Variants in XYLB observed in about 807,000 individuals in gnomAD.
XYLB encodes the protein xylulose kinase.
Under a neutral mutation model 78.7 loss-of-function variants are expected in XYLB, and 62 were observed. That is an observed-to-expected ratio of 0.79 (90% CI 0.64 to 0.97). XYLB has a LOEUF of 0.97. Among genes scored for constraint, XYLB ranks in the 50% least tolerant of loss-of-function variants. The pLI, the probability that XYLB is intolerant of heterozygous loss-of-function variation, is 0.00. For missense variants in XYLB, 687 were observed against 676.8 expected (o/e 1.02, Z -0.17); for synonymous variants, 245 against 247.4 (o/e 0.99, Z 0.09).
chr3:38,380,279 G>A (rs568569581), intron 15 of XYLB, among the ~76,000 whole-genome samples: 21 of 152,216 alleles, frequency 1.4e-4, no homozygotes, highest in South Asian at 2.1e-4. Context: ...ACCCAGGGCC[G>A]GGGGAGGCAA....
chr3:38,440,628 AT>A, the XYLB span, among the ~76,000 whole-genome samples: 1 of 152,222 alleles, frequency 6.6e-6, no homozygotes, highest in Non-Finnish European at 1.5e-5. Context: ...TAAGAAGGCT[AT>A]AGATTGTCAG....
intron 8 of XYLB, among the ~76,000 whole-genome samples, chr3:38,368,677 G>A (rs1706387670): frequency 6.6e-6 from 1 of 152,192 alleles, no homozygotes; most frequent in Admixed American, 6.5e-5. Context: ...ACTGCAGAGA[G>A]GGAGGGAGGA....
intron 11 of XYLB, 48 bp downstream of exon 11, chr3:38,374,550 C>A (rs763389194): frequency 8.7e-6 from 14 of 1,612,474 alleles, no homozygotes; most frequent in Non-Finnish European, 1.2e-5. Context: ...TCCACACTCA[C>A]ACCCACACTC....
chr3:38,375,954 G>A (rs1233312235), intron 12 of XYLB, among the ~76,000 whole-genome samples, 163 bp from the exon 13 acceptor site: 1 of 152,150 alleles, frequency 6.6e-6, no homozygotes, highest in Non-Finnish European at 1.5e-5. Flanking sequence ...CTGAATCTGA[G>A]GAAGAGCCTC....
At chr3:38,381,402 G>A (rs1407984078) in intron 15 of XYLB, among the ~76,000 whole-genome samples, 1 of 152,144 alleles carries the variant, frequency 6.6e-6, no homozygotes, top group African/African-American at 2.4e-5. Context: ...AAATTGTACA[G>A]CATGTGTGTT....
chr3:38,376,628 T>C (rs557840400), intron 13 of XYLB, among the ~76,000 whole-genome samples: 1 of 152,350 alleles, frequency 6.6e-6, no homozygotes, highest in South Asian at 2.1e-4. Flanking sequence ...CCTCCCTTGG[T>C]CAAACCTGTT....
chr3:38,384,708 G>A (rs1707305120), intron 15 of XYLB, among the ~76,000 whole-genome samples: 2 of 152,212 alleles, frequency 1.3e-5, no homozygotes, highest in South Asian at 4.1e-4. Flanking sequence ...TCCAGACTGT[G>A]ACTTCCTTCC....
At chr3:38,423,505 G>T (rs1332559879), downstream of XYLB, among the ~76,000 whole-genome samples, 1 of 152,158 alleles carries the variant, frequency 6.6e-6, no homozygotes, top group Admixed American at 6.6e-5. Context: ...CAAAAAATTG[G>T]CCTTTAATAG....
chr3:38,365,493 T>A (rs1406435237), intron 5 of XYLB, 115 bp from the exon 6 acceptor site: 13 of 1,515,218 alleles, frequency 8.6e-6, no homozygotes, highest in Non-Finnish European at 1.1e-5. Flanking sequence ...CCAACCAAGG[T>A]CACCTGGGAA....
Position 38,346,918 on chromosome 3 carries a change from C to A in XYLB, c.50C>A (p.Thr17Lys). Residue 17 changes from threonine to lysine, a missense_variant, in exon 1 of 19, where the codon ACG becomes AAG. Thr to Lys is a moderately conservative substitution (Grantham distance 78). Transcript: ENST00000207870. ...RRCCLGWDFS[T>K]QQVKVVAVDA... ...TGCTGCCTGGGCTGGGACTTCAGCA[C>A]GCAGCAGGTACAGTCGCCTGGCCGC... 6.6e-7 allele frequency: 1 copy of A among 1,511,080 alleles called. No individual in the cohort carries two copies. Among genetic ancestry groups the A allele is most frequent in the Non-Finnish European group, 8.8e-7 (1 of 1,132,094 alleles). The allele number at this position is 1,511,080 out of a possible 1,614,324, so 93.6% of individuals were successfully genotyped here.
intron 11 of XYLB, among the ~76,000 whole-genome samples, 184 bp downstream of exon 11, chr3:38,374,686 G>A (rs1461365713): frequency 6.6e-6 from 1 of 152,066 alleles, no homozygotes; most frequent in Non-Finnish European, 1.5e-5. Context: ...AGGGGATGGG[G>A]GCGCACATCT....
chr3:38,381,493 A>G (rs1307180709), intron 15 of XYLB, among the ~76,000 whole-genome samples: 1 of 152,132 alleles, frequency 6.6e-6, no homozygotes, highest in African/African-American at 2.4e-5. Context: ...ATAACCTTAA[A>G]CTCTGACTGC....
chr3:38,436,916 A>G, the XYLB span, among the ~76,000 whole-genome samples: 1 of 151,784 alleles, frequency 6.6e-6, no homozygotes, highest in Non-Finnish European at 1.5e-5. Flanking sequence ...AGGCAGAAGA[A>G]TTGCATGAAA....
the XYLB span, among the ~76,000 whole-genome samples, chr3:38,427,895 G>GT: frequency 2.2e-4 from 33 of 152,204 alleles, 1 homozygote; most frequent in East Asian, 5.8e-3. Context: ...CCTGGTCAAT[G>GT]TTTTTTTAGC....
chr3:38,441,012 C>G, the XYLB span, among the ~76,000 whole-genome samples: 10 of 151,768 alleles, frequency 6.6e-5, no homozygotes, highest in Non-Finnish European at 7.4e-5. Context: ...CTCTTTCTTT[C>G]TCTCTTTGAC....
the XYLB span, among the ~76,000 whole-genome samples, chr3:38,444,136 G>C: frequency 6.6e-6 from 1 of 152,076 alleles, no homozygotes; most frequent in Non-Finnish European, 1.5e-5. Context: ...TCTCCAAGTG[G>C]GGTCAAAGGT....
rs1708700376 is a variant in XYLB, at chr3:38,413,878, C to G, written c.*865C>G. 6.6e-6 allele frequency: 1 copy of G among 152,190 alleles called. No homozygotes were observed. Among genetic ancestry groups the G allele is most frequent in the Non-Finnish European group, 1.5e-5 (1 of 68,042 alleles). 9.4% of individuals were successfully genotyped at this position (152,190 alleles called of 1,614,324 possible). On this transcript the variant is annotated 3_prime_UTR_variant, in exon 19 of 19. Transcript: ENST00000207870. ...TTGCTGAAGAAGTTGTGTCATTTCT[C>G]TGGAAGAATTTCCAAAATTCTGGAT...
the XYLB span, among the ~76,000 whole-genome samples, chr3:38,438,008 T>G: frequency 6.6e-6 from 1 of 151,536 alleles, no homozygotes; most frequent in Non-Finnish European, 1.5e-5. Flanking sequence ...AGGCAGAGGT[T>G]GCAGTGAGCC....
the XYLB span, among the ~76,000 whole-genome samples, chr3:38,439,827 C>T: frequency 2.3e-4 from 35 of 151,876 alleles, no homozygotes; most frequent in South Asian, 3.1e-3. Flanking sequence ...AAACGCTGGG[C>T]GGCATCTCGT....
Sources: gnomAD v4.1 joint callset for allele counts (sites outside exome capture counted in the v4.1 genomes callset) on GRCh38, gnomAD v4.1.1 for gene constraint, MANE v1.5 for transcripts, NCBI Gene and HGNC (gene_info 2026-07-23, HGNC 2026-07-21) for gene names.